Variants in OPCML observed in about 807,000 individuals in gnomAD.
The protein encoded by OPCML is opioid binding protein/cell adhesion molecule like, also known as opioid-binding protein/cell adhesion molecule.
OPCML carries 13 observed loss-of-function variants against 37.8 expected under a neutral mutation model. The observed-to-expected ratio is 0.34, with a 90% CI of 0.22 to 0.55. OPCML has a LOEUF of 0.55. Among genes scored for constraint, OPCML ranks in the 20% least tolerant of loss-of-function variants. The pLI is 0.91. For missense variants in OPCML, 341 were observed against 435.6 expected (o/e 0.78, Z 1.93); for synonymous variants, 176 against 168.8 (o/e 1.04, Z -0.33).
chr11:132,501,761 C>G (rs891939745), intron 4 of OPCML, among the ~76,000 whole-genome samples: 2 of 152,074 alleles, frequency 1.3e-5, no homozygotes, highest in African/African-American at 4.8e-5. Flanking sequence ...ACCAAATAAG[C>G]AAAGGAAGAT....
intron 4 of OPCML, among the ~76,000 whole-genome samples, chr11:132,492,251 G>C (rs928317403): frequency 5.3e-5 from 8 of 152,068 alleles, no homozygotes; most frequent in Non-Finnish European, 1.2e-4. Context: ...GGAGCAAAAG[G>C]TGGGCATGAC....
At chr11:132,857,371 A>G (rs370884298) in intron 2 of OPCML, among the ~76,000 whole-genome samples, 3 of 152,234 alleles carry the variant, frequency 2.0e-5, no homozygotes, top group Middle Eastern at 3.2e-3. Context: ...AAAGATAGTA[A>G]AGAAAAAACT....
chr11:132,434,217 G>C (rs933063474), intron 7 of OPCML, among the ~76,000 whole-genome samples: 1 of 152,290 alleles, frequency 6.6e-6, no homozygotes, highest in East Asian at 1.9e-4. Context: ...GATGCGGGCA[G>C]CACTATACAT....
chr11:132,863,446 A>G (rs966014344), intron 2 of OPCML, among the ~76,000 whole-genome samples: 1 of 152,166 alleles, frequency 6.6e-6, no homozygotes, highest in Non-Finnish European at 1.5e-5. Flanking sequence ...TCAGCAAACA[A>G]TACTCCCAAA....
intron 1 of OPCML, among the ~76,000 whole-genome samples, chr11:133,189,637 T>C (rs1315670284): frequency 6.6e-6 from 1 of 152,158 alleles, no homozygotes; most frequent in Non-Finnish European, 1.5e-5. Context: ...TACAAAGAGG[T>C]TGTGGCCAGG....
intron 2 of OPCML, among the ~76,000 whole-genome samples, chr11:132,824,450 A>C (rs1487068444): frequency 6.6e-6 from 1 of 152,202 alleles, no homozygotes; most frequent in Non-Finnish European, 1.5e-5. Context: ...GTAACGGTAC[A>C]GTTAGTCACA....
chr11:133,517,646 T>C (rs1336756628), intron 1 of OPCML, among the ~76,000 whole-genome samples: 3 of 152,196 alleles, frequency 2.0e-5, no homozygotes, highest in Non-Finnish European at 4.4e-5. Flanking sequence ...AGAAAACTAA[T>C]TGGAGCCAGG....
chr11:133,516,727 C>A (rs1219524149), intron 1 of OPCML, among the ~76,000 whole-genome samples: 1 of 152,118 alleles, frequency 6.6e-6, no homozygotes, highest in African/African-American at 2.4e-5. Flanking sequence ...GGCGGAGAAC[C>A]CTGGAGATGG....
At chr11:133,269,678 C>T (rs564812102) in intron 1 of OPCML, among the ~76,000 whole-genome samples, 1 of 152,288 alleles carries the variant, frequency 6.6e-6, no homozygotes, top group South Asian at 2.1e-4. Flanking sequence ...GACAAAGTAG[C>T]CATGGGAGCT....
chr11:133,194,548 A>G (rs978422438), intron 1 of OPCML, among the ~76,000 whole-genome samples: 3 of 152,118 alleles, frequency 2.0e-5, no homozygotes, highest in Admixed American at 2.0e-4. Context: ...ACTTTACTTC[A>G]GGCCACATCT....
chr11:132,443,523 A>AC lies in OPCML; in HGVS notation c.506-6165dup, dbSNP rs2096043810. On this transcript the variant is annotated intron_variant, in intron 4 of 7. Transcript: ENST00000524381. The stretch of plus-strand genomic sequence containing the variant: ...GAATCAAATGTCCAGGTGATTGACG[A>AC]CCAAGTGCATGCCTCTGGCCTGTAA... 2.6e-5 allele frequency among the ~76,000 whole-genome samples: 4 copies of AC among 152,236 alleles called. No homozygotes were observed. The South Asian group carries it at 8.3e-4, about 32-fold the overall frequency.
Position 132,501,067 on chromosome 11 carries a change from C to T in OPCML, c.505+27994G>A, listed in dbSNP as rs181101390. Among the ~76,000 whole-genome samples the T allele has an allele frequency of 7.9e-3, 1,177 of 149,770 alleles. 9 individuals carry two copies. The highest frequency in any genetic ancestry group is 0.012 in the Non-Finnish European group (842 of 67,504). On this transcript the variant is annotated intron_variant, in intron 4 of 7. Coordinates refer to ENST00000524381, the MANE Select transcript of OPCML (RefSeq NM_001012393.5). ...TGATTTATAATCCTTTGGGTATATA[C>T]CCAGTAATGGGATTGCTGGGCCAAA...
At chr11:133,347,758 A>T (rs1197615266) in intron 1 of OPCML, among the ~76,000 whole-genome samples, 1 of 152,184 alleles carries the variant, frequency 6.6e-6, no homozygotes, top group Non-Finnish European at 1.5e-5. Context: ...CCTTCACCTG[A>T]TGGAGCTAGA....
At chr11:133,148,464 G>T (rs1410805203) in intron 1 of OPCML, among the ~76,000 whole-genome samples, 1 of 152,200 alleles carries the variant, frequency 6.6e-6, no homozygotes, top group African/African-American at 2.4e-5. Context: ...CAAGAGGGAG[G>T]GAAGTATCGC....
chr11:133,488,669 A>G (rs1426116089), intron 1 of OPCML, among the ~76,000 whole-genome samples: 1 of 152,196 alleles, frequency 6.6e-6, no homozygotes, highest in Non-Finnish European at 1.5e-5. Flanking sequence ...TACAGATTCA[A>G]TGCAATCTTT....
intron 4 of OPCML, among the ~76,000 whole-genome samples, chr11:132,452,334 G>A (rs940533691): frequency 6.6e-6 from 1 of 152,136 alleles, no homozygotes; most frequent in Admixed American, 6.5e-5. Flanking sequence ...AAGGTCCAAA[G>A]CTTGGGTTTG....
intron 1 of OPCML, among the ~76,000 whole-genome samples, chr11:133,337,448 G>A (rs1054038311): frequency 3.3e-5 from 5 of 152,176 alleles, no homozygotes; most frequent in Non-Finnish European, 7.3e-5. Context: ...CGCAGGATCC[G>A]CTGCAGGGCC....
chr11:133,485,288 A>G (rs1477235819), intron 1 of OPCML, among the ~76,000 whole-genome samples: 1 of 152,230 alleles, frequency 6.6e-6, no homozygotes, highest in African/African-American at 2.4e-5. Flanking sequence ...CTTTCAAAAC[A>G]TCAAAATGTG....
rs201379049 is a variant in OPCML at position 133,384,435 on chromosome 11, A to G, written c.61+147829T>C. Among the ~76,000 whole-genome samples the G allele has an allele frequency of 3.6e-4, 55 of 152,278 alleles. 2 individuals carry two copies. The East Asian group carries it at 9.9e-3, about 27-fold the overall frequency. ...GTGGCCTAAGGTTGATAGTATTAAC[A>G]TCTCATTCAACCGTTGACAAGAAAG... On this transcript the variant is annotated intron_variant, in intron 1 of 7. Coordinates refer to ENST00000524381, the MANE Select transcript of OPCML (RefSeq NM_001012393.5).
Sources: gnomAD v4.1 joint callset for allele counts (sites outside exome capture counted in the v4.1 genomes callset) on GRCh38, gnomAD v4.1.1 for gene constraint, MANE v1.5 for transcripts, NCBI Gene and HGNC (gene_info 2026-07-23, HGNC 2026-07-21) for gene names.